Variants in CRHBP observed in about 807,000 individuals in gnomAD.
CRHBP encodes corticotropin releasing hormone binding protein.
A neutral mutation model predicts 34.9 loss-of-function variants in CRHBP; 19 were observed. The observed-to-expected ratio is 0.55, with a 90% CI of 0.38 to 0.80. The LOEUF (loss-of-function observed/expected upper bound fraction) is 0.80. CRHBP is among the 30% of genes least tolerant of loss of function. The pLI is 0.00. For synonymous variants in CRHBP, 154 were observed against 153.4 expected (o/e 1.00, Z -0.03); for missense variants, 328 against 409.2 (o/e 0.80, Z 1.71).
intron 1 of CRHBP, 81 bp downstream of exon 1, chr5:76,953,296 C>A: frequency 7.5e-7 from 1 of 1,329,796 alleles, no homozygotes; most frequent in Non-Finnish European, 1.1e-6. Flanking sequence ...CTGCTCGCAG[C>A]CTTTTGGGGT....
At chr5:76,970,555 G>A (rs927653227), downstream of CRHBP, among the ~76,000 whole-genome samples, 8 of 152,038 alleles carry the variant, frequency 5.3e-5, no homozygotes, top group Admixed American at 2.0e-4. Context: ...GATGGATGAC[G>A]GATGACTATA....
At chr5:76,967,339 TTTTA>T (rs1745875461) in intron 6 of CRHBP, among the ~76,000 whole-genome samples, 1 of 152,236 alleles carries the variant, frequency 6.6e-6, no homozygotes, top group Admixed American at 6.5e-5. Context: ...ATTATAGGGC[TTTTA>T]TTTATTATGT....
At chr5:76,975,845 T>TATATATATATACAC (rs1237085128) in intron 2 of CRHBP, among the ~76,000 whole-genome samples, 44 of 97,602 alleles carry the variant, frequency 4.5e-4, no homozygotes, top group African/African-American at 2.4e-3. Flanking sequence ...TATATATATA[T>TATATATATATACAC]ACACGCATAT....
chr5:76,972,776 T>G (rs369405117), downstream of CRHBP, among the ~76,000 whole-genome samples: 3 of 152,218 alleles, frequency 2.0e-5, no homozygotes, highest in Admixed American at 2.0e-4. Context: ...CTCCAACTAC[T>G]CCCTGGTACT....
intron 5 of CRHBP, among the ~76,000 whole-genome samples, chr5:76,962,814 A>T (rs778171769): frequency 3.8e-4 from 58 of 152,210 alleles, no homozygotes; most frequent in Non-Finnish European, 7.5e-4. Flanking sequence ...ATTAATCAAA[A>T]TTCTTATTGT....
Position 76,953,593 on chromosome 5 carries a change from C to G in CRHBP, c.82-8C>G. On this transcript the variant is annotated splice_polypyrimidine_tract_variant and splice_region_variant and intron_variant, in intron 1 of 6. Transcript: ENST00000274368. ...AACTTTTCCGGACTGACCTATGTTT[C>G]TTGCCAGCTGAGGGAAGCGGCGGAC... 1 of 1,611,932 alleles carries G rather than the reference C, an allele frequency of 6.2e-7. No homozygotes were observed. The highest frequency in any genetic ancestry group is 8.5e-7 in the Non-Finnish European group (1 of 1,179,128).
chr5:76,953,816 G>C, intron 2 of CRHBP, 122 bp downstream of exon 2: 1 of 1,226,812 alleles, frequency 8.2e-7, no homozygotes, highest in South Asian at 1.4e-5. Flanking sequence ...CAGGGGCGCG[G>C]TCCCCTTAGC....
intron 3 of CRHBP, among the ~76,000 whole-genome samples, chr5:76,978,982 A>G (rs1180237747): frequency 1.3e-5 from 2 of 152,212 alleles, no homozygotes; most frequent in East Asian, 3.8e-4. Flanking sequence ...AACTCCATTG[A>G]TGTCTTATTT....
Position 76,953,204 on chromosome 5 carries a change from C to T in CRHBP, c.70C>T (p.Arg24Trp). The T allele has an allele frequency of 6.2e-7, 1 of 1,614,114 alleles. No homozygotes were observed. The highest frequency in any genetic ancestry group is 8.5e-7 in the Non-Finnish European group (1 of 1,179,954). The change falls in exon 1 of 7, where the codon CGG becomes TGG. Residue 24 changes from arginine (R) to tryptophan (W), a missense_variant. This residue lies in a region of CRHBP where 173 missense variants were observed against 172.2 expected (regional missense o/e 1.00). Transcript: ENST00000274368. ...IFLTALRGES[R>W]YLELREAADY... Reference sequence around the variant, plus strand: ...CCTGACGGCTCTAAGAGGGGAAAGCCGGTACCTAGAGGTGAGCCACCCCTG... The same window carrying T: ...CCTGACGGCTCTAAGAGGGGAAAGCTGGTACCTAGAGGTGAGCCACCCCTG...
At chr5:76,953,800 A>G in intron 2 of CRHBP, 106 bp downstream of exon 2, 1 of 1,298,594 alleles carries the variant, frequency 7.7e-7, no homozygotes. Context: ...GGCTGGCCGG[A>G]ACCGCCAGGG....
intron 3 of CRHBP, among the ~76,000 whole-genome samples, chr5:76,980,322 A>C (rs1746102026): frequency 6.6e-6 from 1 of 151,998 alleles, no homozygotes; most frequent in Admixed American, 6.5e-5. Flanking sequence ...TCTGACATCA[A>C]AGCTTGCTGG....
intron 3 of CRHBP, among the ~76,000 whole-genome samples, chr5:76,976,997 C>G (rs1746043320): frequency 6.6e-6 from 1 of 152,142 alleles, no homozygotes; most frequent in Non-Finnish European, 1.5e-5. Context: ...CTTCACCCAT[C>G]ACATCCAGGC....
At position 76,980,180 on chromosome 5, in the gene CRHBP, G is replaced by A. The variant is rs565893673; in HGVS notation, n.468-781G>A. 2.1e-4 allele frequency among the ~76,000 whole-genome samples: 31 copies of A among 148,822 alleles called. 1 individual carries two copies. Among genetic ancestry groups the A allele is most frequent in the Admixed American group, 1.7e-3 (26 of 14,874 alleles). The stretch of plus-strand genomic sequence containing the variant: ...TGAGGCAGGAGAATGGCGTGAACCC[G>A]GGAGGCGGAGCTTGCAGTGAGCCGA... On this transcript the variant is annotated intron_variant and non_coding_transcript_variant, in intron 3 of 3. Coordinates refer to the CRHBP transcript ENST00000514258.
intron 4 of CRHBP, among the ~76,000 whole-genome samples, chr5:76,957,022 C>T (rs1745682332): frequency 6.6e-6 from 1 of 151,924 alleles, no homozygotes; most frequent in Non-Finnish European, 1.5e-5. Flanking sequence ...AAGAGTTTCC[C>T]CTATATTTTG....
Position 76,953,927 on chromosome 5 carries a change from A to G in CRHBP, c.176-102A>G, listed in dbSNP as rs548536480. On this transcript the variant is annotated intron_variant, in intron 2 of 6. Coordinates refer to ENST00000274368, the MANE Select transcript of CRHBP (RefSeq NM_001882.4). Reference sequence around the variant, plus strand: ...TAGGCTGGAAGTCGGGGCGCTGGGCACTACAGAGCCCGGGAATGGGGCGCG... The same window carrying G: ...TAGGCTGGAAGTCGGGGCGCTGGGCGCTACAGAGCCCGGGAATGGGGCGCG... The G allele has an allele frequency of 3.8e-4, 531 of 1,391,726 alleles. 6 individuals carry two copies. Among genetic ancestry groups the G allele is most frequent in the African/African-American group, 3.3e-3 (227 of 68,832 alleles). The allele number at this position is 1,391,726 out of a possible 1,614,324, so 86.2% of individuals were successfully genotyped here. A position where few individuals can be genotyped will look rare whatever the true frequency, so the allele number is the denominator to read the frequency against.
At chr5:76,967,986 C>T (rs1314597634) in intron 6 of CRHBP, among the ~76,000 whole-genome samples, 2 of 151,904 alleles carry the variant, frequency 1.3e-5, no homozygotes, top group Non-Finnish European at 2.9e-5. Context: ...CATGAGCCAC[C>T]GTGCCCAGCT....
At chr5:76,979,949 C>T (rs370440152) in intron 3 of CRHBP, among the ~76,000 whole-genome samples, 9 of 152,060 alleles carry the variant, frequency 5.9e-5, no homozygotes, top group East Asian at 3.9e-4. Flanking sequence ...GTAAATCACA[C>T]AGTTAGAAAG....
chr5:76,970,408 G>C (rs1745928032), downstream of CRHBP, among the ~76,000 whole-genome samples: 1 of 151,314 alleles, frequency 6.6e-6, no homozygotes, highest in Admixed American at 6.6e-5. Flanking sequence ...TGAAAACCAG[G>C]CAGAAAAAAA....
rs765218429 is a variant in CRHBP at position 76,954,044 on chromosome 5, T to C, written c.191T>C (p.Leu64Pro). Reference sequence around the variant, plus strand: ...CCTCCCCCAGGGTGCCTGGACATGCTGAGCCTCCAGGGCCAGTTCACCTTC... The same window carrying C: ...CCTCCCCCAGGGTGCCTGGACATGCCGAGCCTCCAGGGCCAGTTCACCTTC... Reference protein sequence around the residue: ...YRRALRCLDMLSLQGQFTFTA... With the variant: ...YRRALRCLDMPSLQGQFTFTA... Residue 64 changes from leucine (L) to proline (P), a missense_variant, in exon 3 of 7, where the codon CTG becomes CCG. By Grantham distance (98) the Leu-to-Pro change is moderately conservative (BLOSUM62 -3). Coordinates refer to ENST00000274368, the MANE Select transcript of CRHBP (RefSeq NM_001882.4). 6.2e-7 allele frequency: 1 copy of C among 1,613,516 alleles called. No homozygotes were observed. Among genetic ancestry groups the C allele is most frequent in the South Asian group, 1.1e-5 (1 of 91,038 alleles).
Sources: allele counts gnomAD v4.1 joint callset (sites outside exome capture counted in the v4.1 genomes callset), GRCh38; gene constraint gnomAD v4.1.1; regional missense constraint gnomAD v4.1.1; transcripts MANE v1.5; gene names NCBI Gene and HGNC (gene_info 2026-07-23, HGNC 2026-07-21).